Variants in TSFM observed in about 807,000 individuals in gnomAD.
TSFM encodes Ts translation elongation factor, mitochondrial, also known as elongation factor Ts, mitochondrial.
A neutral mutation model predicts 33.4 loss-of-function variants in TSFM; 29 were observed. The observed-to-expected ratio is 0.87, with a 90% CI of 0.65 to 1.18. The LOEUF is 1.18. Ranked by LOEUF, TSFM falls within the 50% of genes most tolerant of loss-of-function variation. The pLI is 0.00. For synonymous variants in TSFM, 178 were observed against 163.5 expected (o/e 1.09, Z -0.68); for missense variants, 394 against 395.6 (o/e 1.00, Z 0.04).
intron 4 of TSFM, among the ~76,000 whole-genome samples, chr12:57,792,363 C>T (rs1955674006): frequency 6.6e-6 from 1 of 152,204 alleles, no homozygotes; most frequent in Admixed American, 6.5e-5. Context: ...GCCTGAGCAA[C>T]ATAGGGAAAC....
At chr12:57,791,095 C>G (rs1233995794) in intron 4 of TSFM, among the ~76,000 whole-genome samples, 1 of 151,718 alleles carries the variant, frequency 6.6e-6, no homozygotes, top group Non-Finnish European at 1.5e-5. Context: ...CTACAGCCAC[C>G]GCCTCCTGGG....
At chr12:57,788,863 G>GA (rs1311132996) in intron 4 of TSFM, among the ~76,000 whole-genome samples, 1 of 151,706 alleles carries the variant, frequency 6.6e-6, no homozygotes, top group African/African-American at 2.4e-5. Context: ...AAACCTCTGG[G>GA]CTCAAGAAAT....
chr12:57,791,973 G>A, intron 4 of TSFM: 1 of 370,304 alleles, frequency 2.7e-6, no homozygotes, highest in Non-Finnish European at 5.5e-6. Context: ...AGGTGCAGTG[G>A]CTCACGCCTG....
downstream of TSFM, chr12:57,799,844 T>A: frequency 6.2e-7 from 1 of 1,614,190 alleles, no homozygotes; most frequent in South Asian, 1.1e-5. Context: ...ATTCTGGTTT[T>A]TCAACAGAAC....
chr12:57,790,430 C>T (rs1433120594), intron 4 of TSFM, among the ~76,000 whole-genome samples: 2 of 152,188 alleles, frequency 1.3e-5, no homozygotes, highest in Non-Finnish European at 2.9e-5. Flanking sequence ...GGTGTATGTG[C>T]TGTGTGCGTG....
At position 57,786,202 on chromosome 12, in the gene TSFM, T is replaced by G. The variant is rs542571914; in HGVS notation, c.271T>G (p.Trp91Gly). 555 of 1,609,960 alleles carry G rather than the reference T, an allele frequency of 3.4e-4. 8 individuals are homozygous for G. In the South Asian group the frequency reaches 5.8e-3, roughly 17 times the overall value. ...CCACAAGGAGGCCCAGAAGGAGGGC[T>G]GGAGCAAAGCTGCCAAGCTCCAAGG... The part of the protein sequence containing the change: ...WLHKEAQKEG[W>G]SKAAKLQGRK... The change falls in exon 3 of 6, where the codon TGG becomes GGG. Residue 91 changes from tryptophan to glycine, a missense_variant. Coordinates refer to ENST00000652027, the MANE Select transcript of TSFM (RefSeq NM_005726.6).
intron 2 of TSFM, chr12:57,784,158 T>C (rs998687329): frequency 2.8e-6 from 2 of 702,016 alleles, no homozygotes; most frequent in African/African-American, 3.5e-5. Flanking sequence ...CTGTAGGCAG[T>C]TGTAACACAG....
chr12:57,796,197 AT>A lies in TSFM; in HGVS notation c.594del (p.Lys200AsnfsTer6). 1 of 1,576,024 alleles carries A rather than the reference AT, an allele frequency of 6.3e-7. No individual in the cohort carries two copies. Among genetic ancestry groups the A allele is most frequent in the Non-Finnish European group, 8.6e-7 (1 of 1,161,274 alleles). On this transcript the variant is annotated frameshift_variant, in exon 6 of 6. Coordinates refer to ENST00000652027, the MANE Select transcript of TSFM (RefSeq NM_005726.6). LOFTEE classifies it high-confidence loss of function. Reference protein sequence around the residue: ...LAIGKLGENMILKRAAWVKVP... With the variant: ...LAIGKLGENMXLKRAAWVKVP... ...AATAGGAAAACTGGGAGAAAACATG[AT>A]TCTTAAACGAGCTGCATGGGTGAAG...
intron 5 of TSFM, among the ~76,000 whole-genome samples, chr12:57,794,546 G>A (rs974413527): frequency 3.3e-5 from 5 of 152,298 alleles, no homozygotes; most frequent in African/African-American, 9.6e-5. Flanking sequence ...GACTTTTTCC[G>A]GATAGAAGGG....
chr12:57,797,880 C>T, downstream of TSFM: 1 of 1,608,946 alleles, frequency 6.2e-7, no homozygotes, highest in Non-Finnish European at 8.5e-7. Context: ...GGCCTTCTTG[C>T]TTTAGAAAAG....
rs190172958 is a variant in TSFM, at chr12:57,794,014, G to A, written c.571+941G>A. ...TCCTAAGTATCCTTGATGGAGGGTG[G>A]GTGGTAGGGAAGGGTTGGAGCTTGC... On this transcript the variant is annotated intron_variant, in intron 5 of 5. Transcript: ENST00000652027. Among the ~76,000 whole-genome samples, 5 of 152,308 alleles carry A rather than the reference G, an allele frequency of 3.3e-5. No individual in the cohort carries two copies. In the East Asian group the frequency reaches 7.7e-4, roughly 23 times the overall value.
intron 2 of TSFM, chr12:57,784,175 G>A (rs1344719317): frequency 4.3e-6 from 3 of 700,794 alleles, no homozygotes; most frequent in Non-Finnish European, 7.8e-6. Context: ...ACAGTGGTAA[G>A]TATTGTGTAT....
chr12:57,789,028 A>G (rs1214103936), intron 4 of TSFM, among the ~76,000 whole-genome samples: 1 of 142,930 alleles, frequency 7.0e-6, no homozygotes, highest in Non-Finnish European at 1.5e-5. Flanking sequence ...CAATGGTGCC[A>G]TCTCGCTCAC....
intron 4 of TSFM, 81 bp downstream of exon 4, chr12:57,787,243 A>G (rs951638982): frequency 2.9e-6 from 4 of 1,370,996 alleles, no homozygotes; most frequent in East Asian, 2.6e-5. Context: ...AGACATTCTC[A>G]TGTCTCATTC....
intron 2 of TSFM, chr12:57,784,067 A>G (rs1955555630): frequency 1.4e-6 from 1 of 702,740 alleles, no homozygotes; most frequent in African/African-American, 1.7e-5. Context: ...TAGATGGTAT[A>G]TTGTACTACA....
At chr12:57,783,003 C>T (rs113230710) in intron 1 of TSFM, 107 bp from the exon 2 acceptor site, 2 of 1,480,732 alleles carry the variant, frequency 1.4e-6, no homozygotes, top group Admixed American at 2.0e-5. Flanking sequence ...CCGGTGCACC[C>T]CCCTTTGCAC....
intron 5 of TSFM, among the ~76,000 whole-genome samples, chr12:57,795,673 G>T (rs1955726173): frequency 6.6e-6 from 1 of 151,950 alleles, no homozygotes; most frequent in African/African-American, 2.4e-5. Flanking sequence ...GGACTGCAAT[G>T]GTACGATCTC....
intron 5 of TSFM, among the ~76,000 whole-genome samples, chr12:57,794,306 A>G (rs1955701988): frequency 6.6e-6 from 1 of 152,204 alleles, no homozygotes; most frequent in Non-Finnish European, 1.5e-5. Context: ...AGATATGACT[A>G]TGGCTAATCC....
chr12:57,798,815 C>T (rs1412677942), downstream of TSFM, among the ~76,000 whole-genome samples: 1 of 152,032 alleles, frequency 6.6e-6, no homozygotes, highest in Non-Finnish European at 1.5e-5. Flanking sequence ...CGGGGTTTCA[C>T]CATATTGGCC....
Sources: gnomAD v4.1 joint callset for allele counts (sites outside exome capture counted in the v4.1 genomes callset) on GRCh38, gnomAD v4.1.1 for gene constraint, MANE v1.5 for transcripts, NCBI Gene and HGNC (gene_info 2026-07-23, HGNC 2026-07-21) for gene names.